Variants in DNAH8 observed in about 807,000 individuals in gnomAD.
DNAH8 encodes axonemal beta dynein heavy chain 8.
Under a neutral mutation model 562.1 loss-of-function variants are expected in DNAH8, and 382 were observed. The observed-to-expected ratio is 0.68, with a 90% CI of 0.63 to 0.74. DNAH8 has a LOEUF of 0.74. Among genes scored for constraint, DNAH8 ranks in the 30% least tolerant of loss-of-function variants. The pLI is 0.00. For missense variants in DNAH8, 5,203 were observed against 5,620.4 expected (o/e 0.93, Z 2.37); for synonymous variants, 1,881 against 1,919.4 (o/e 0.98, Z 0.52).
Position 38,873,238 on chromosome 6 carries a change from A to G in DNAH8, c.7482A>G (p.Ala2494=), listed in dbSNP as rs375517878. The change falls in exon 52 of 93, where the codon GCA becomes GCG. Residue 2494 remains alanine, a splice_region_variant and synonymous_variant. Coordinates refer to ENST00000327475, the MANE Select transcript of DNAH8 (RefSeq NM_001206927.2). The part of the protein sequence containing the change: ...SALSWRPILQ[A]WLKKRTAQEA... ...CAGATTCTGTTTCTTTGTTGCAGGC[A>G]TGGTTGAAGAAACGCACTGCACAGG... The G allele has an allele frequency of 1.5e-4, 243 of 1,612,680 alleles. No homozygotes were observed. Among genetic ancestry groups the G allele is most frequent in the Non-Finnish European group, 1.9e-4 (224 of 1,179,692 alleles).
intron 1 of DNAH8, among the ~76,000 whole-genome samples, chr6:38,715,956 ATATATTT>A (rs1308840507): frequency 3.2e-3 from 87 of 27,004 alleles, no homozygotes; most frequent in Non-Finnish European, 3.4e-3. Context: ...ATATATATAT[ATATATTT>A]TTTTTTTTTT....
chr6:38,799,365 C>T (rs1014363645), intron 21 of DNAH8, among the ~76,000 whole-genome samples: 1 of 152,050 alleles, frequency 6.6e-6, no homozygotes, highest in Non-Finnish European at 1.5e-5. Context: ...TTTCCTTTCT[C>T]CTGTATCCTC....
chr6:38,931,809 A>G lies in DNAH8; in HGVS notation c.11275-2A>G. 1 of 1,536,560 alleles carries G rather than the reference A, an allele frequency of 6.5e-7. No individual in the cohort carries two copies. The highest frequency in any genetic ancestry group is 1.3e-5 in the South Asian group (1 of 78,034). On this transcript the variant is annotated splice_acceptor_variant, in intron 75 of 92. Coordinates refer to ENST00000327475, the MANE Select transcript of DNAH8 (RefSeq NM_001206927.2). LOFTEE classifies it high-confidence loss of function. Reference sequence around the variant, plus strand: ...TTTAATTTTATATGTGAATTTATGTAGGTGAAAGTCGGTGATAAGGAATGT... The same window carrying G: ...TTTAATTTTATATGTGAATTTATGTGGGTGAAAGTCGGTGATAAGGAATGT...
At chr6:38,975,738 G>C (rs1763624028) in intron 85 of DNAH8, among the ~76,000 whole-genome samples, 1 of 152,134 alleles carries the variant, frequency 6.6e-6, no homozygotes, top group Non-Finnish European at 1.5e-5. Context: ...ATTCTTATCT[G>C]GGAATTGTTC....
chr6:38,989,713 G>A (rs372038993), intron 87 of DNAH8, among the ~76,000 whole-genome samples: 38 of 152,254 alleles, frequency 2.5e-4, no homozygotes, highest in African/African-American at 8.4e-4. Flanking sequence ...TTCCTAAAAT[G>A]GAATTGAGGG....
At chr6:38,733,635 G>A (rs536096128) in intron 4 of DNAH8, among the ~76,000 whole-genome samples, 17 of 152,354 alleles carry the variant, frequency 1.1e-4, no homozygotes, top group African/African-American at 4.1e-4. Context: ...TATTAGCTGG[G>A]CACGGTGGCT....
At chr6:38,800,599 C>A (rs1466336626) in intron 21 of DNAH8, among the ~76,000 whole-genome samples, 1 of 152,188 alleles carries the variant, frequency 6.6e-6, no homozygotes, top group Non-Finnish European at 1.5e-5. Context: ...TCACTGCAAC[C>A]TCTGCCTCCT....
At chr6:38,937,855 C>G in intron 77 of DNAH8, 119 bp from the exon 78 acceptor site, 1 of 1,228,564 alleles carries the variant, frequency 8.1e-7, no homozygotes, top group Non-Finnish European at 1.1e-6. Context: ...CAGTAGTCTT[C>G]CTGACTTTGG....
intron 89 of DNAH8, 31 bp downstream of exon 89, chr6:39,009,001 A>C (rs937376272): frequency 1.3e-6 from 2 of 1,516,428 alleles, no homozygotes; most frequent in Non-Finnish European, 1.8e-6. Context: ...ACTGGCATAC[A>C]GGGCTATTTG....
At chr6:38,901,640 G>A (rs1438463394) in intron 62 of DNAH8, among the ~76,000 whole-genome samples, 1 of 151,922 alleles carries the variant, frequency 6.6e-6, no homozygotes, top group Non-Finnish European at 1.5e-5. Flanking sequence ...TAACTTTGTT[G>A]TTCTTCAAAA....
intron 82 of DNAH8, among the ~76,000 whole-genome samples, chr6:38,967,985 G>A (rs1763083391): frequency 6.6e-6 from 1 of 152,054 alleles, no homozygotes; most frequent in Admixed American, 6.6e-5. Context: ...AATAAACCCA[G>A]CCCTCACATA....
intron 9 of DNAH8, among the ~76,000 whole-genome samples, chr6:38,752,109 TATGTTGCTTCTTCA>T (rs1345906930): frequency 6.6e-6 from 1 of 152,212 alleles, no homozygotes; most frequent in African/African-American, 2.4e-5. Context: ...TCCACTTTAC[TATGTTGCTTCTTCA>T]AGGTATTCTC....
intron 36 of DNAH8, among the ~76,000 whole-genome samples, chr6:38,846,978 C>T (rs775727895): frequency 6.6e-6 from 1 of 152,190 alleles, no homozygotes; most frequent in Non-Finnish European, 1.5e-5. Flanking sequence ...TCCTAGAGAA[C>T]TTTGCAGTGC....
chr6:38,941,841 T>C (rs2150603772), intron 79 of DNAH8, among the ~76,000 whole-genome samples: 1 of 152,314 alleles, frequency 6.6e-6, no homozygotes, highest in African/African-American at 2.4e-5. Context: ...GCCTCATATC[T>C]ATGCACCATG....
intron 11 of DNAH8, among the ~76,000 whole-genome samples, chr6:38,768,751 T>G (rs947929297): frequency 6.6e-6 from 1 of 152,194 alleles, no homozygotes; most frequent in Non-Finnish European, 1.5e-5. Context: ...TTACTAATAT[T>G]ATTTATCTTC....
chr6:38,983,223 T>G (rs907165804), intron 86 of DNAH8, among the ~76,000 whole-genome samples: 15 of 152,228 alleles, frequency 9.9e-5, no homozygotes, highest in Admixed American at 9.2e-4. Flanking sequence ...AGTTAGTATT[T>G]GTGAAAGCAC....
chr6:38,727,770 A>T (rs1763345843), intron 3 of DNAH8, among the ~76,000 whole-genome samples: 1 of 152,146 alleles, frequency 6.6e-6, no homozygotes, highest in African/African-American at 2.4e-5. Context: ...CAACATTGGC[A>T]CTTTTACCCC....
At chr6:38,767,024 A>G (rs939707486) in intron 11 of DNAH8, among the ~76,000 whole-genome samples, 1 of 152,308 alleles carries the variant, frequency 6.6e-6, no homozygotes, top group East Asian at 1.9e-4. Context: ...AAAATTTACT[A>G]TTTTAACCAT....
At chr6:38,797,925 T>G (rs1770433323) in intron 21 of DNAH8, among the ~76,000 whole-genome samples, 1 of 152,104 alleles carries the variant, frequency 6.6e-6, no homozygotes, top group African/African-American at 2.4e-5. Context: ...ACGCCAATTC[T>G]TCGGCTTGGC....
Sources: gnomAD v4.1 joint callset for allele counts (sites outside exome capture counted in the v4.1 genomes callset) on GRCh38, gnomAD v4.1.1 for gene constraint, MANE v1.5 for transcripts, NCBI Gene and HGNC (gene_info 2026-07-23, HGNC 2026-07-21) for gene names.